The following DCHS1 variants were observed in gnomAD, a reference collection of about 807,000 sequenced individuals.
DCHS1 encodes protocadherin-16.
A neutral mutation model predicts 213.9 loss-of-function variants in DCHS1; 78 were observed. That is an observed-to-expected ratio of 0.36 (90% CI 0.30 to 0.44). The LOEUF (loss-of-function observed/expected upper bound fraction) is 0.44, where lower values mean the gene tolerates loss of function less well. Among genes scored for constraint, DCHS1 ranks in the 20% least tolerant of loss-of-function variants. The pLI, the probability that DCHS1 is intolerant of heterozygous loss-of-function variation, is 1.00. For synonymous variants in DCHS1, 1,828 were observed against 1,873.7 expected (o/e 0.98, Z 0.63); for missense variants, 3,946 against 4,395.9 (o/e 0.90, Z 2.89).
At chr11:6,650,121 CT>C (rs1036064617) in intron 1 of DCHS1, among the ~76,000 whole-genome samples, 51 of 152,346 alleles carry the variant, frequency 3.3e-4, no homozygotes, top group African/African-American at 1.1e-3. Context: ...TCTTTCTTCT[CT>C]TTCTTCCTTT....
intron 2 of DCHS1, among the ~76,000 whole-genome samples, chr11:6,638,543 G>A (rs1275742828): frequency 6.6e-6 from 1 of 152,114 alleles, no homozygotes; most frequent in Non-Finnish European, 1.5e-5. Context: ...CTTAGGCCTG[G>A]AGTCTCCATC....
chr11:6,633,589 T>C lies in DCHS1; in HGVS notation c.2278A>G (p.Ile760Val). The C allele has an allele frequency of 6.3e-7, 1 of 1,597,010 alleles. No individual in the cohort carries two copies. The highest frequency in any genetic ancestry group is 8.5e-7 in the Non-Finnish European group (1 of 1,171,690). Residue 760 changes from isoleucine (I) to valine (V), a missense_variant, in exon 5 of 21, where the codon ATC becomes GTC. By Grantham distance (29) the Ile-to-Val change is conservative. Around this residue, in one of 3 missense-constraint regions of DCHS1, gnomAD observed 3,384 missense variants for 3,780.1 expected, o/e 0.90. Coordinates refer to ENST00000299441, the MANE Select transcript of DCHS1 (RefSeq NM_003737.4). Reference protein sequence around the residue: ...RRANSVVQLEIGAEDGGGLQA... With the variant: ...RRANSVVQLEVGAEDGGGLQA... ...AGGCCACCTCCGTCCTCAGCCCCGA[T>C]CTCCAGCTGCACCACAGAATTGGCC...
chr11:6,630,539 G>T lies in DCHS1; in HGVS notation c.4255C>A (p.Leu1419Met). The change falls in exon 10 of 21, where the codon CTG becomes ATG. Residue 1419 changes from leucine (L) to methionine (M), a missense_variant. This residue lies in a region of DCHS1 where 3,384 missense variants were observed against 3,780.1 expected (regional missense o/e 0.90). Transcript: ENST00000299441. ...TGCACTTGCACCTGCACTCGCAGCAGCCGCGCGCCCGCGCCTCCCGGCCCC... is the reference window on the plus strand; with the variant it reads ...TGCACTTGCACCTGCACTCGCAGCATCCGCGCGCCCGCGCCTCCCGGCCCC... ...AEGPGGAGAR[L>M]LRVQVQVQDE... 1 of 1,532,152 alleles carries T rather than the reference G, an allele frequency of 6.5e-7. No individual in the cohort carries two copies. The highest frequency in any genetic ancestry group is 8.7e-7 in the Non-Finnish European group (1 of 1,146,144). The allele number at this position is 1,532,152 out of a possible 1,614,324, so 94.9% of individuals were successfully genotyped here.
rs376612062 is a variant in DCHS1 at position 6,622,826 on chromosome 11, C to T, written c.8850G>A (p.Val2950=). The change falls in exon 21 of 21, where the codon GTG becomes GTA. Residue 2950 remains valine (V), a synonymous_variant. Coordinates refer to ENST00000299441, the MANE Select transcript of DCHS1 (RefSeq NM_003737.4). This position sits in a 1 kb window ranked among gnomAD's most constrained non-coding sequence, Gnocchi z 5.4. ...CTAGGACCAGGGCTGCCAGTGCAAG[C>T]ACCACCACAACTCCCAAGGAGGCTG... The part of the protein sequence containing the change: ...AVAASLGVVV[V]LALAALVLGL... The T allele has an allele frequency of 2.0e-5, 32 of 1,594,522 alleles. No individual in the cohort carries two copies. The African/African-American group carries it at 3.6e-4, about 18-fold the overall frequency.
chr11:6,655,120 TG>T lies in DCHS1; in HGVS notation c.-121+442del, dbSNP rs199937144. On this transcript the variant is annotated intron_variant, in intron 1 of 20. Coordinates refer to ENST00000299441, the MANE Select transcript of DCHS1 (RefSeq NM_003737.4). ...CACCCATCCTCCACATTCTGACACA[TG>T]GGCTCCCACAGAGCGGGCAACACAC... is the stretch of plus-strand genomic sequence containing the variant. 6.3e-3 allele frequency among the ~76,000 whole-genome samples: 952 copies of T among 152,188 alleles called. 9 individuals are homozygous for T. The highest frequency in any genetic ancestry group is 8.3e-3 in the Non-Finnish European group (561 of 67,972).
intron 1 of DCHS1, among the ~76,000 whole-genome samples, chr11:6,650,317 G>A (rs1420445540): frequency 6.6e-6 from 1 of 152,224 alleles, no homozygotes; most frequent in East Asian, 1.9e-4. Flanking sequence ...TTCACCAGGA[G>A]ACACAGGGAA....
chr11:6,649,300 C>G (rs1374744114), intron 1 of DCHS1, among the ~76,000 whole-genome samples: 2 of 151,604 alleles, frequency 1.3e-5, no homozygotes, highest in Non-Finnish European at 2.9e-5. Context: ...GATAAAAGCT[C>G]ATATAACTGG....
rs753283620 is a variant in DCHS1, at chr11:6,641,188, G to A, written c.426C>T (p.Ala142=). The A allele has an allele frequency of 1.9e-6, 3 of 1,613,664 alleles. No individual in the cohort carries two copies. The South Asian group carries it at 3.3e-5, about 18-fold the overall frequency. Residue 142 remains alanine (A), a synonymous_variant, in exon 2 of 21, where the codon GCC becomes GCT. Transcript: ENST00000299441. This position sits in a 1 kb window ranked among gnomAD's most constrained non-coding sequence, Gnocchi z 7.1. ...RVADINDHAP[A]FPQARAALQV... ...GCAGGGCAGCCCGAGCCTGTGGGAA[G>A]GCTGGAGCATGGTCGTTGATGTCAG...
chr11:6,639,740 C>T, intron 2 of DCHS1, 77 bp downstream of exon 2: 3 of 1,284,028 alleles, frequency 2.3e-6, no homozygotes, highest in Non-Finnish European at 3.2e-6. Context: ...CCTTGTAAGG[C>T]TTGGTTCCTG....
chr11:6,652,617 C>T (rs532695780), intron 1 of DCHS1, among the ~76,000 whole-genome samples: 4 of 152,016 alleles, frequency 2.6e-5, no homozygotes, highest in East Asian at 1.9e-4. Flanking sequence ...GGATGGGATC[C>T]GTAACACAGG....
rs779749568 is a variant in DCHS1 at position 6,621,924 on chromosome 11, G to A, written c.9752C>T (p.Ser3251Phe). ...AGACAGAGAGGGTGAGAAGCTGGGG[G>A]ACATGGCAGCTGAGGACAGGGAGCC... Reference protein sequence around the residue: ...HEGSLSSAAMSPSFSPSLSPL... With the variant: ...HEGSLSSAAMFPSFSPSLSPL... The change falls in exon 21 of 21, where the codon TCC becomes TTC. Residue 3251 changes from serine to phenylalanine, a missense_variant. This residue lies in a region of DCHS1 where 554 missense variants were observed against 590.2 expected (regional missense o/e 0.94). Transcript: ENST00000299441. 24 of 1,613,490 alleles carry A rather than the reference G, an allele frequency of 1.5e-5. No individual in the cohort carries two copies. The highest frequency in any genetic ancestry group is 3.3e-5 in the Admixed American group (2 of 59,976).
intron 2 of DCHS1, 95 bp from the exon 3 acceptor site, chr11:6,634,401 T>C (rs1589958215): frequency 6.5e-6 from 9 of 1,379,048 alleles, no homozygotes; most frequent in Non-Finnish European, 8.8e-6. Context: ...GCTAAGTCTC[T>C]GGATGGCGGA....
chr11:6,644,986 G>A (rs1341356803), intron 1 of DCHS1, among the ~76,000 whole-genome samples: 1 of 152,222 alleles, frequency 6.6e-6, no homozygotes, highest in Non-Finnish European at 1.5e-5. Context: ...AAAAAGAGCA[G>A]GGGCTTTGGA....
Position 6,626,557 on chromosome 11 carries a change from C to G in DCHS1, c.6359G>C (p.Ser2120Thr). ...NEKGTFSIQP[S>T]TGAITVRSAE... is the part of the protein sequence containing the mutation. Reference sequence around the variant, plus strand: ...CCCCTGCTCCTATTTCTTACCTGTACTAGGCTGGATGGAGAATGTCCCTTT... The same window carrying G: ...CCCCTGCTCCTATTTCTTACCTGTAGTAGGCTGGATGGAGAATGTCCCTTT... Residue 2120 changes from serine to threonine, a missense_variant, in exon 15 of 21, where the codon AGT becomes ACT. Physicochemically the swap from Ser to Thr is moderately conservative, Grantham distance 58 (BLOSUM62 1). This residue lies in a region of DCHS1 where 3,384 missense variants were observed against 3,780.1 expected (regional missense o/e 0.90). Coordinates refer to ENST00000299441, the MANE Select transcript of DCHS1 (RefSeq NM_003737.4). This position sits in a 1 kb window ranked among gnomAD's most constrained non-coding sequence, Gnocchi z 5.2. 1 of 1,613,942 alleles carries G rather than the reference C, an allele frequency of 6.2e-7. No individual in the cohort carries two copies. Among genetic ancestry groups the G allele is most frequent in the Non-Finnish European group, 8.5e-7 (1 of 1,179,810 alleles).
intron 1 of DCHS1, among the ~76,000 whole-genome samples, chr11:6,644,733 T>G (rs1440455715): frequency 1.3e-5 from 2 of 152,190 alleles, no homozygotes; most frequent in African/African-American, 4.8e-5. Context: ...CACACCACCA[T>G]ACTCACGTAA....
Position 6,623,759 on chromosome 11 carries a change from G to A in DCHS1, c.7917C>T (p.Phe2639=), listed in dbSNP as rs1314852008. Residue 2639 remains phenylalanine, a synonymous_variant, in exon 21 of 21, where the codon TTC becomes TTT. Coordinates refer to ENST00000299441, the MANE Select transcript of DCHS1 (RefSeq NM_003737.4). ...ADPGPHGLVR[F]TVSSGDPSGL... is the part of the protein sequence containing the mutation. ...CTGATGGGTCGCCTGAGCTGACAGT[G>A]AAACGCACGAGGCCATGAGGGCCAG... The A allele has an allele frequency of 1.2e-6, 2 of 1,613,842 alleles. No homozygotes were observed. Among genetic ancestry groups the A allele is most frequent in the African/African-American group, 1.3e-5 (1 of 74,948 alleles).
chr11:6,625,655 G>A lies in DCHS1; in HGVS notation c.6804C>T (p.Ile2268=), dbSNP rs200715455. The A allele has an allele frequency of 8.6e-5, 138 of 1,613,462 alleles. No individual in the cohort carries two copies. The East Asian group carries it at 1.2e-3, about 15-fold the overall frequency. ...VGSATLTVMV[I]DTNDNRPTIP... Reference sequence around the variant, plus strand: ...TGGTGGGGCGATTGTCATTGGTGTCGATGACCATCACCGTCAAGGTAGCTG... The same window carrying A: ...TGGTGGGGCGATTGTCATTGGTGTCAATGACCATCACCGTCAAGGTAGCTG... The change falls in exon 18 of 21, where the codon ATC becomes ATT. Residue 2268 remains isoleucine, a synonymous_variant. Transcript: ENST00000299441. The surrounding 1 kb of genome is among the most constrained non-coding windows in gnomAD (Gnocchi z 5.3).
chr11:6,628,852 GAGGTCT>G lies in DCHS1; in HGVS notation c.5162-28_5162-23del. On this transcript the variant is annotated intron_variant, in intron 12 of 20. Transcript: ENST00000299441. This position sits in a 1 kb window ranked among gnomAD's most constrained non-coding sequence, Gnocchi z 4.3. ...TACACTGTGGGGAAGCAAAATCAATGAGGTCTAGTCTGCCCTCACCACATGGAGAAA... is the reference window on the plus strand; with the variant it reads ...TACACTGTGGGGAAGCAAAATCAATGAGTCTGCCCTCACCACATGGAGAAA... The G allele has an allele frequency of 1.2e-6, 2 of 1,603,176 alleles. No homozygotes were observed. The highest frequency in any genetic ancestry group is 1.7e-6 in the Non-Finnish European group (2 of 1,174,304).
At chr11:6,650,454 TAGCATGAACCCCTGGGA>T (rs1856227482) in intron 1 of DCHS1, among the ~76,000 whole-genome samples, 1 of 151,832 alleles carries the variant, frequency 6.6e-6, no homozygotes, top group African/African-American at 2.4e-5. Context: ...TAGGAGACAA[TAGCATGAACCCCTGGGA>T]GGGGCTTTTC....
Sources: gnomAD v4.1 joint callset for allele counts (sites outside exome capture counted in the v4.1 genomes callset) on GRCh38, gnomAD v4.1.1 for gene constraint, gnomAD v4.1.1 regional missense constraint, Gnocchi (gnomAD v3.1) non-coding constraint, MANE v1.5 for transcripts, NCBI Gene and HGNC (gene_info 2026-07-23, HGNC 2026-07-21) for gene names.